PLEKHA5: variants seen among roughly 807,000 people sequenced by gnomAD.
PLEKHA5 encodes pleckstrin homology domain containing A5.
PLEKHA5 carries 55 observed loss-of-function variants against 181.9 expected under a neutral mutation model. That is an observed-to-expected ratio of 0.30 (90% CI 0.24 to 0.38). The LOEUF (loss-of-function observed/expected upper bound fraction) is 0.38, where lower values mean the gene tolerates loss of function less well. Among genes scored for constraint, PLEKHA5 ranks in the 10% least tolerant of loss-of-function variants. PLEKHA5 has a pLI of 1.00. For missense variants in PLEKHA5, 1,432 were observed against 1,549.5 expected (o/e 0.92, Z 1.27); for synonymous variants, 535 against 529.4 (o/e 1.01, Z -0.15).
intron 30 of PLEKHA5, among the ~76,000 whole-genome samples, chr12:19,369,023 G>A (rs1390395170): frequency 6.6e-6 from 1 of 151,664 alleles, no homozygotes; most frequent in African/African-American, 2.4e-5. Context: ...TTTTTTGTTT[G>A]TTTGTTTTTT....
At chr12:19,369,622 G>A (rs1328331914) in intron 30 of PLEKHA5, 71 bp from the exon 31 acceptor site, 3 of 819,296 alleles carry the variant, frequency 3.7e-6, no homozygotes, top group East Asian at 2.5e-5. Context: ...TGGGATTACA[G>A]CATCAGGATT....
chr12:19,155,669 C>T (rs1243197285), intron 3 of PLEKHA5, among the ~76,000 whole-genome samples: 2 of 152,194 alleles, frequency 1.3e-5, no homozygotes, highest in East Asian at 1.9e-4. Context: ...TTTGTTACTA[C>T]TTTGCACTAA....
intron 20 of PLEKHA5, among the ~76,000 whole-genome samples, chr12:19,327,788 A>T (rs180840304): frequency 6.6e-6 from 1 of 151,798 alleles, no homozygotes; most frequent in East Asian, 1.9e-4. Flanking sequence ...GGGATTGTAA[A>T]TGCCCGCTAC....
intron 3 of PLEKHA5, among the ~76,000 whole-genome samples, chr12:19,202,584 A>T (rs1395430140): frequency 9.5e-6 from 1 of 104,770 alleles, no homozygotes; most frequent in African/African-American, 3.1e-5. Context: ...ATGGTAAACA[A>T]AACAACAACA....
chr12:19,154,478 A>G (rs1408685980), intron 3 of PLEKHA5: 1 of 152,248 alleles, frequency 6.6e-6, no homozygotes, highest in South Asian at 2.1e-4. Flanking sequence ...TTTCCTCTCA[A>G]TCTTTGACTT....
chr12:19,188,925 C>A (rs556949609), intron 3 of PLEKHA5, among the ~76,000 whole-genome samples: 2 of 152,278 alleles, frequency 1.3e-5, no homozygotes, highest in East Asian at 3.9e-4. Flanking sequence ...ACACCAAGAC[C>A]TCTGGTAACT....
At position 19,283,536 on chromosome 12, in the gene PLEKHA5, C is replaced by T. The variant is rs771044942; in HGVS notation, c.1570C>T (p.Leu524Phe). 1 of 1,614,042 alleles carries T rather than the reference C, an allele frequency of 6.2e-7. No individual in the cohort carries two copies. The highest frequency in any genetic ancestry group is 8.5e-7 in the Non-Finnish European group (1 of 1,180,010). Reference sequence around the variant, plus strand: ...TCAGTTTTATAACAAACAGAGCACCCTCCCTCGACACAGTACTTTGAGTAG... The same window carrying T: ...TCAGTTTTATAACAAACAGAGCACCTTCCCTCGACACAGTACTTTGAGTAG... ...QRQFYNKQST[L>F]PRHSTLSSPK... Residue 524 changes from leucine (L) to phenylalanine (F), a missense_variant, in exon 12 of 32, where the codon CTC (leucine) becomes TTC (phenylalanine). Leu to Phe is a conservative substitution (Grantham distance 22). This residue lies in a region of PLEKHA5 where 1,143 missense variants were observed against 1,168.4 expected (regional missense o/e 0.98). Transcript: ENST00000429027.
chr12:19,278,168 C>G (rs1221073976), intron 11 of PLEKHA5, among the ~76,000 whole-genome samples: 1 of 151,828 alleles, frequency 6.6e-6, no homozygotes, highest in African/African-American at 2.4e-5. Context: ...TTAAAATTCC[C>G]CAAATGTGGT....
At chr12:19,185,288 A>G (rs1216988333) in intron 3 of PLEKHA5, among the ~76,000 whole-genome samples, 2 of 152,140 alleles carry the variant, frequency 1.3e-5, no homozygotes, top group Admixed American at 1.3e-4. Context: ...AGGTCTGGTC[A>G]GTATTTGTTC....
rs3056384 is a variant in PLEKHA5, at chr12:19,157,097, T to TACACACACAC, written c.227+24668_227+24677dup. ...TATGGTTTTTATATCTATATGTACA[T>TACACACACAC]ACACACACACACACACACACACACA... On this transcript the variant is annotated intron_variant, in intron 3 of 31. Transcript: ENST00000429027. Among the ~76,000 whole-genome samples, 872 of 143,266 alleles carry TACACACACAC rather than the reference T, an allele frequency of 6.1e-3. 4 individuals carry two copies. The highest frequency in any genetic ancestry group is 9.3e-3 in the South Asian group (40 of 4,322). The allele number at this position is 143,266 out of a possible 152,430, so 94.0% of individuals were successfully genotyped here. A position where few individuals can be genotyped will look rare whatever the true frequency, so the allele number is the denominator to read the frequency against.
chr12:19,178,840 ACT>A (rs2047903565), intron 3 of PLEKHA5, among the ~76,000 whole-genome samples: 1 of 152,118 alleles, frequency 6.6e-6, no homozygotes, highest in Non-Finnish European at 1.5e-5. Context: ...AAAACAAACA[ACT>A]CTCAAAACAC....
In PLEKHA5 at chr12:19,320,062, T is replaced by A. The variant is rs1443197195; in HGVS notation, c.2154+6T>A. ...GCAAGATAAGTCTATATTGTGTATG[T>A]GTGTTTATATATTATATATATGTAT... On this transcript the variant is annotated splice_donor_region_variant and intron_variant, in intron 17 of 31. Coordinates refer to ENST00000429027, the MANE Select transcript of PLEKHA5 (RefSeq NM_001256470.2). 1 of 1,006,634 alleles carries A rather than the reference T, an allele frequency of 9.9e-7. No homozygotes were observed. The highest frequency in any genetic ancestry group is 1.5e-6 in the Non-Finnish European group (1 of 688,968). The allele number at this position is 1,006,634 out of a possible 1,614,324, so 62.4% of individuals were successfully genotyped here.
rs2064224898 is a variant in PLEKHA5 at position 19,248,018 on chromosome 12, A to T, written c.228-5922A>T. Reference sequence around the variant, plus strand: ...TAATCATAGCTCACTGCAGCCTCAAACTCCTGGGCTCAAACATTTCTCCTG... The same window carrying T: ...TAATCATAGCTCACTGCAGCCTCAATCTCCTGGGCTCAAACATTTCTCCTG... On this transcript the variant is annotated intron_variant, in intron 3 of 31. Coordinates refer to ENST00000429027, the MANE Select transcript of PLEKHA5 (RefSeq NM_001256470.2). 2.6e-5 allele frequency among the ~76,000 whole-genome samples: 4 copies of T among 151,216 alleles called. No homozygotes were observed. The South Asian group carries it at 8.4e-4, about 32-fold the overall frequency.
chr12:19,361,736 T>C (rs2095250094), intron 29 of PLEKHA5, 30 bp downstream of exon 29: 1 of 1,569,880 alleles, frequency 6.4e-7, no homozygotes, highest in East Asian at 2.2e-5. Flanking sequence ...AAGGAATCAT[T>C]CACAAAACTG....
chr12:19,148,814 T>G (rs1490821578), intron 3 of PLEKHA5, among the ~76,000 whole-genome samples: 1 of 152,198 alleles, frequency 6.6e-6, no homozygotes, highest in Non-Finnish European at 1.5e-5. Context: ...GGAAATCAGC[T>G]AGTTATTTTG....
intron 15 of PLEKHA5, among the ~76,000 whole-genome samples, chr12:19,309,131 T>G (rs2085387014): frequency 6.6e-6 from 1 of 152,152 alleles, no homozygotes; most frequent in Non-Finnish European, 1.5e-5. Context: ...TTTGTGATTT[T>G]GGTTTAACTT....
intron 15 of PLEKHA5, 21 bp from the exon 16 acceptor site, chr12:19,314,793 G>A: frequency 2.2e-6 from 3 of 1,347,418 alleles, no homozygotes; most frequent in Non-Finnish European, 3.1e-6. Flanking sequence ...TTTGCTGTAT[G>A]CTCCTCCTGA....
chr12:19,349,940 G>A (rs2094514445), intron 25 of PLEKHA5, among the ~76,000 whole-genome samples: 1 of 151,990 alleles, frequency 6.6e-6, no homozygotes, highest in Non-Finnish European at 1.5e-5. Flanking sequence ...GTGAAACCCT[G>A]TCTCTACTAA....
intron 15 of PLEKHA5, among the ~76,000 whole-genome samples, chr12:19,312,533 G>A (rs1368710545): frequency 1.3e-5 from 2 of 152,206 alleles, no homozygotes; most frequent in African/African-American, 4.8e-5. Context: ...TTATGGAGAT[G>A]GCTTCTTTCC....
Sources: gnomAD v4.1 joint callset for allele counts (sites outside exome capture counted in the v4.1 genomes callset) on GRCh38, gnomAD v4.1.1 for gene constraint, gnomAD v4.1.1 regional missense constraint, MANE v1.5 for transcripts, NCBI Gene and HGNC (gene_info 2026-07-23, HGNC 2026-07-21) for gene names.